Variants in ZSCAN18 observed in about 807,000 individuals in gnomAD.
The protein encoded by ZSCAN18 is zinc finger and SCAN domain containing 18.
A neutral mutation model predicts 31.1 loss-of-function variants in ZSCAN18; 16 were observed. The ratio of observed to expected loss-of-function variants is 0.51; its 90% confidence interval spans 0.35 to 0.78. The LOEUF is 0.78. Among genes scored for constraint, ZSCAN18 ranks in the 30% least tolerant of loss-of-function variants. The pLI is 0.01. For missense variants in ZSCAN18, 731 were observed against 697.4 expected, an observed-to-expected ratio of 1.05 and a Z score of -0.54; for synonymous variants, 375 against 320.7, an observed-to-expected ratio of 1.17 and a Z score of -1.81.
Position 58,096,293 on chromosome 19 carries a change from T to C in ZSCAN18, c.-120+1881A>G, listed in dbSNP as rs542507043. ...CCTGCTTGAATGAGGCCACACCTCG[T>C]TGGAGTCTGGCTTGGTCACTGGGCA... is the stretch of plus-strand genomic sequence containing the variant. On this transcript the variant is annotated intron_variant, in intron 1 of 6. Coordinates refer to ENST00000601144, the MANE Select transcript of ZSCAN18 (RefSeq NM_001145543.2). Among the ~76,000 whole-genome samples the C allele has an allele frequency of 3.9e-5, 6 of 152,300 alleles. No homozygotes were observed. The South Asian group carries it at 1.2e-3, about 32-fold the overall frequency.
chr19:58,092,613 A>G, intron 1 of ZSCAN18: 1 of 587,182 alleles, frequency 1.7e-6, no homozygotes, highest in Non-Finnish European at 2.1e-6. Flanking sequence ...AAGTTTGCAG[A>G]GAGTCAACTA....
chr19:58,087,423 A>T lies in ZSCAN18; in HGVS notation c.554-19T>A, dbSNP rs1195272717. On this transcript the variant is annotated intron_variant, in intron 3 of 6. Transcript: ENST00000601144. ...AGCCAGGCTGGGGAGAAGGAGAGGC[A>T]GAGCTGAGGCAATGAGCTCCCTGTG... 1 of 1,583,730 alleles carries T rather than the reference A, an allele frequency of 6.3e-7. No individual in the cohort carries two copies.
chr19:58,109,303 G>C (rs1362932672), intron 1 of ZSCAN18: 2 of 1,231,554 alleles, frequency 1.6e-6, no homozygotes, highest in Non-Finnish European at 2.0e-6. Context: ...TGTTTCCCAG[G>C]CTGGAAAGGA....
At chr19:58,113,209 G>A (rs375836076) in intron 1 of ZSCAN18, among the ~76,000 whole-genome samples, 3 of 151,596 alleles carry the variant, frequency 2.0e-5, no homozygotes, top group African/African-American at 4.8e-5. Context: ...CCAGCTACTC[G>A]GGAGGCTGAG....
intron 1 of ZSCAN18, chr19:58,092,840 C>T: frequency 2.3e-6 from 1 of 440,814 alleles, no homozygotes; most frequent in Non-Finnish European, 3.0e-6. Context: ...GTAGCATGAT[C>T]ATAGCTTATT....
intron 1 of ZSCAN18, among the ~76,000 whole-genome samples, chr19:58,115,934 GAAAACCTGGA>G (rs952789843): frequency 3.0e-4 from 45 of 151,908 alleles, no homozygotes; most frequent in African/African-American, 1.1e-3. Flanking sequence ...TGGAAACGCT[GAAAACCTGGA>G]AACTTCCAAG....
intron 1 of ZSCAN18, among the ~76,000 whole-genome samples, chr19:58,111,371 G>A (rs1222579420): frequency 6.6e-6 from 1 of 152,022 alleles, no homozygotes; most frequent in East Asian, 1.9e-4. Flanking sequence ...TTTTAAGACA[G>A]GGTCTCATTC....
At chr19:58,100,166 G>T (rs1471884730), upstream of ZSCAN18, among the ~76,000 whole-genome samples, 1 of 151,766 alleles carries the variant, frequency 6.6e-6, no homozygotes, top group Non-Finnish European at 1.5e-5. Flanking sequence ...TAATGCTAAG[G>T]CTGGTCTCAG....
At chr19:58,092,771 CTT>C (rs925285750) in intron 1 of ZSCAN18, 30,703 of 733,300 alleles carry the variant, frequency 0.042, no homozygotes, top group Non-Finnish European at 0.046. Flanking sequence ...GATACCTCTA[CTT>C]TTTTTTTTTT....
intron 1 of ZSCAN18, among the ~76,000 whole-genome samples, chr19:58,091,311 A>G (rs1642099085): frequency 6.6e-6 from 1 of 151,916 alleles, no homozygotes; most frequent in East Asian, 1.9e-4. Flanking sequence ...TCAATTTCTA[A>G]TAACATGAAG....
Position 58,090,174 on chromosome 19 carries a change from CCTG to C in ZSCAN18, c.91_93del (p.Gln31del). On this transcript the variant is annotated inframe_deletion, in exon 2 of 7. Coordinates refer to ENST00000601144, the MANE Select transcript of ZSCAN18 (RefSeq NM_001145543.2). The surrounding 1 kb of genome is among the most constrained non-coding windows in gnomAD (Gnocchi z 4.7). ...CTCTCAGGGATGGTCTCGGGTTCTT[CCTG>C]CTGGACTCCGGCTGCTGACCCCGGC... 3 of 1,613,790 alleles carry C rather than the reference CCTG, an allele frequency of 1.9e-6. No homozygotes were observed. The highest frequency in any genetic ancestry group is 1.7e-6 in the Non-Finnish European group (2 of 1,179,984).
chr19:58,087,572 CGGTGGCCACAGGGCTTG>C (rs2074308982), intron 3 of ZSCAN18, 168 bp from the exon 4 acceptor site: 2 of 617,170 alleles, frequency 3.2e-6, no homozygotes, highest in South Asian at 4.0e-5. Context: ...CAAAGCAGCG[CGGTGGCCACAGGGCTTG>C]GGTGGCCCCA....
chr19:58,085,360 C>T lies in ZSCAN18; in HGVS notation c.858G>A (p.Glu286=), dbSNP rs2074255487. 3 of 1,590,412 alleles carry T rather than the reference C, an allele frequency of 1.9e-6. No individual in the cohort carries two copies. Among genetic ancestry groups the T allele is most frequent in the Non-Finnish European group, 2.5e-6 (3 of 1,176,796 alleles). ...CCTCCTCGCAGGCGCACCCAGCGCTCTCCTGCCGCCTCCCGCCTTCTGGAA... is the reference window on the plus strand; with the variant it reads ...CCTCCTCGCAGGCGCACCCAGCGCTTTCCTGCCGCCTCCCGCCTTCTGGAA... The part of the protein sequence containing the change: ...SSLPEGGRRQ[E]SAGCACEEAA... Residue 286 remains glutamate, a synonymous_variant, in exon 7 of 7, where the codon GAG becomes GAA. Coordinates refer to ENST00000601144, the MANE Select transcript of ZSCAN18 (RefSeq NM_001145543.2).
At chr19:58,097,244 G>C (rs1208383020) in intron 1 of ZSCAN18, among the ~76,000 whole-genome samples, 1 of 152,124 alleles carries the variant, frequency 6.6e-6, no homozygotes, top group Non-Finnish European at 1.5e-5. Context: ...AGGTAGCAGG[G>C]AGAGAGAAGA....
chr19:58,108,363 C>T (rs1293838670), intron 1 of ZSCAN18: 2 of 985,354 alleles, frequency 2.0e-6, no homozygotes, highest in African/African-American at 3.5e-5. Context: ...CACAGTATGA[C>T]TTCTGAAATG....
Position 58,089,848 on chromosome 19 carries a change from C to T in ZSCAN18, c.403+17G>A. ...CCCATCTCCTCTGAGCCATGCTTCT[C>T]CTCTGTGACAGCCCACCTGGCTCTT... On this transcript the variant is annotated intron_variant, in intron 2 of 6. Transcript: ENST00000601144. 6.3e-7 allele frequency: 1 copy of T among 1,596,422 alleles called. No homozygotes were observed. Among genetic ancestry groups the T allele is most frequent in the Middle Eastern group, 1.7e-4 (1 of 5,962 alleles).
rs138268728 is a variant in ZSCAN18, at chr19:58,088,224, C to T, written c.553+464G>A. 6.4e-4 allele frequency: 103 copies of T among 159,944 alleles called. 1 individual carries two copies. The highest frequency in any genetic ancestry group is 1.2e-3 in the Admixed American group (20 of 16,690). The allele number at this position is 159,944 out of a possible 1,614,324, so 9.9% of individuals were successfully genotyped here. A position where few individuals can be genotyped will look rare whatever the true frequency, so the allele number is the denominator to read the frequency against. ...CTCTAGGATGGGGATGGGCTGAGCA[C>T]GCGATGCTGGGCAACTAAAGAACCA... On this transcript the variant is annotated intron_variant, in intron 3 of 6. Transcript: ENST00000601144.
chr19:58,104,597 G>A (rs927062699), intron 1 of ZSCAN18, among the ~76,000 whole-genome samples: 3 of 152,010 alleles, frequency 2.0e-5, no homozygotes, highest in Non-Finnish European at 4.4e-5. Flanking sequence ...TGCTACTCAA[G>A]AGGCTGAGGC....
intron 1 of ZSCAN18, among the ~76,000 whole-genome samples, chr19:58,114,539 T>A (rs946399357): frequency 6.6e-6 from 1 of 151,978 alleles, no homozygotes; most frequent in Non-Finnish European, 1.5e-5. Context: ...CAGATAAATA[T>A]ACAAATGTAC....
Sources: gnomAD v4.1 joint callset for allele counts (sites outside exome capture counted in the v4.1 genomes callset) on GRCh38, gnomAD v4.1.1 for gene constraint, Gnocchi (gnomAD v3.1) non-coding constraint, MANE v1.5 for transcripts, NCBI Gene and HGNC (gene_info 2026-07-23, HGNC 2026-07-21) for gene names.